Variants in TAF10 observed in about 807,000 individuals in gnomAD.
The protein encoded by TAF10 is transcription initiation factor TFIID subunit 10.
Under a neutral mutation model 18.1 loss-of-function variants are expected in TAF10, and 2 were observed. The ratio of observed to expected loss-of-function variants is 0.11; its 90% CI spans 0.05 to 0.35. The LOEUF (loss-of-function observed/expected upper bound fraction) is 0.35, where lower values mean the gene tolerates loss of function less well. TAF10 is among the 10% of genes least tolerant of loss of function. The probability of loss-of-function intolerance (pLI) is 1.00; values close to 1 mark genes in which losing one functional copy is unlikely to be tolerated. For synonymous variants in TAF10, 158 were observed against 134.6 expected (o/e 1.17, Z -1.20); for missense variants, 293 against 306.9 (o/e 0.95, Z 0.34).
At chr11:6,611,590 A>G in intron 2 of TAF10, 74 bp downstream of exon 2, 2 of 1,587,020 alleles carry the variant, frequency 1.3e-6, no homozygotes, top group Non-Finnish European at 8.6e-7. Flanking sequence ...CAAATGGAAG[A>G]GAACGCTGAA....
chr11:6,611,801 C>A lies in TAF10; in HGVS notation c.250G>T (p.Gly84Cys), dbSNP rs1472623071. The A allele has an allele frequency of 1.9e-6, 3 of 1,601,142 alleles. No homozygotes were observed. Among genetic ancestry groups the A allele is most frequent in the Admixed American group, 3.4e-5 (2 of 58,182 alleles). The change falls in exon 2 of 5, where the codon GGC becomes TGC. Residue 84 changes from glycine to cysteine, a missense_variant. Gly to Cys is a radical substitution (Grantham distance 159, BLOSUM62 -3). Coordinates refer to ENST00000299424, the MANE Select transcript of TAF10 (RefSeq NM_006284.4). The stretch of plus-strand genomic sequence containing the variant: ...ATGGCCCCCTCCGGGGGCGCCGCGC[C>A]ACCCGCCGACACCGGAGCTGGAGGA... The part of the protein sequence containing the change: ...RRGAAPVSAG[G>C]AAPPEGAISN...
rs1445871731 is a variant in TAF10 at position 6,608,783 on chromosome 11, T to G, written c.*2139A>C. On this transcript the variant is annotated 3_prime_UTR_variant, in exon 5 of 5. Coordinates refer to ENST00000299424, the MANE Select transcript of TAF10 (RefSeq NM_006284.4). This position sits in a 1 kb window ranked among gnomAD's most constrained non-coding sequence, Gnocchi z 4.9. The stretch of plus-strand genomic sequence containing the variant: ...AAGCCAAGGCACCCCTGAGAGAGCT[T>G]CTCCGAGGTCCATCTCCCCATCCCC... The G allele has an allele frequency of 1.9e-6, 3 of 1,613,708 alleles. No homozygotes were observed. In the East Asian group the frequency reaches 6.7e-5, roughly 36 times the overall value.
Position 6,609,209 on chromosome 11 carries a change from C to G in TAF10, c.*1713G>C, listed in dbSNP as rs897137542. 6.9e-6 allele frequency: 11 copies of G among 1,599,168 alleles called. No homozygotes were observed. The Admixed American group carries it at 1.0e-4, about 15-fold the overall frequency. On this transcript the variant is annotated 3_prime_UTR_variant, in exon 5 of 5. Transcript: ENST00000299424. The stretch of plus-strand genomic sequence containing the variant: ...TCACTAAACCCCCATAAATTACTTG[C>G]TTTGTACCTGTTTTAAGTTTTTCCT...
Position 6,609,316 on chromosome 11 carries a change from G to A in TAF10, c.*1606C>T. 6.2e-7 allele frequency: 1 copy of A among 1,614,150 alleles called. No individual in the cohort carries two copies. The highest frequency in any genetic ancestry group is 8.5e-7 in the Non-Finnish European group (1 of 1,180,026). ...TCCTGCAGCTATGGAAGGGCCGCTG[G>A]CAGGGCAATGACATTGTCGTGAAGG... On this transcript the variant is annotated 3_prime_UTR_variant, in exon 5 of 5. Coordinates refer to ENST00000299424, the MANE Select transcript of TAF10 (RefSeq NM_006284.4).
chr11:6,611,394 G>A lies in TAF10; in HGVS notation c.446C>T (p.Pro149Leu). The change falls in exon 3 of 5, where the codon CCA (proline) becomes CTA (leucine). Residue 149 changes from proline (P) to leucine (L), a missense_variant. Transcript: ENST00000299424. Reference protein sequence around the residue: ...LNRAGFEASDPRIIRLISLAA... With the variant: ...LNRAGFEASDLRIIRLISLAA... ...CTGCCCTGGGTTTACTCACATGCGTGGGTCTGAGGCCTCAAAGCCAGCACG... is the reference window on the plus strand; with the variant it reads ...CTGCCCTGGGTTTACTCACATGCGTAGGTCTGAGGCCTCAAAGCCAGCACG... 2 of 1,614,180 alleles carry A rather than the reference G, an allele frequency of 1.2e-6. No individual in the cohort carries two copies. The highest frequency in any genetic ancestry group is 1.7e-6 in the Non-Finnish European group (2 of 1,180,026).
At chr11:6,611,888 C>G in intron 1 of TAF10, 70 bp from the exon 2 acceptor site, 1 of 1,561,120 alleles carries the variant, frequency 6.4e-7, no homozygotes, top group East Asian at 2.4e-5. Context: ...CTGTCTATAC[C>G]CTCTGCCCTC....
At chr11:6,611,136 A>C (rs1016984320) in intron 4 of TAF10, 53 bp downstream of exon 4, 1 of 1,595,864 alleles carries the variant, frequency 6.3e-7, no homozygotes, top group Non-Finnish European at 8.6e-7. Flanking sequence ...TGGCAGGATA[A>C]GCCTCCACTG....
chr11:6,607,856 G>C lies in TAF10; in HGVS notation c.*3066C>G. 1 of 608,314 alleles carries C rather than the reference G, an allele frequency of 1.6e-6. No homozygotes were observed. Among genetic ancestry groups the C allele is most frequent in the Admixed American group, 2.8e-5 (1 of 35,402 alleles). The allele number at this position is 608,314 out of a possible 1,614,324, so 37.7% of individuals were successfully genotyped here. A position where few individuals can be genotyped will look rare whatever the true frequency, so the allele number is the denominator to read the frequency against. On this transcript the variant is annotated 3_prime_UTR_variant, in exon 5 of 5. Transcript: ENST00000299424. ...TTATAGAGGTTGTTGAGATATCTAG[G>C]TGGTTGGTTTGGTTTGAAGCTCAGG...
chr11:6,611,841 A>G (rs755495450), intron 1 of TAF10, 23 bp from the exon 2 acceptor site: 1 of 1,599,096 alleles, frequency 6.3e-7, no homozygotes, highest in Non-Finnish European at 8.5e-7. Context: ...CAGCAAAATG[A>G]GACACAGAGG....
In TAF10 at chr11:6,612,200, G is replaced by T; in HGVS notation, c.-11C>A. On this transcript the variant is annotated 5_prime_UTR_variant, in exon 1 of 5. Coordinates refer to ENST00000299424, the MANE Select transcript of TAF10 (RefSeq NM_006284.4). ...GCCGCTGCAGCTCATCGGGCCGGTGGGAGAGGCGGCGAACAGAGCCGCTTC... is the reference window on the plus strand; with the variant it reads ...GCCGCTGCAGCTCATCGGGCCGGTGTGAGAGGCGGCGAACAGAGCCGCTTC... The T allele has an allele frequency of 1.6e-6, 2 of 1,239,102 alleles. No individual in the cohort carries two copies. The highest frequency in any genetic ancestry group is 4.4e-5 in the South Asian group (2 of 45,812). 76.8% of individuals were successfully genotyped at this position (1,239,102 alleles called of 1,614,324 possible).
chr11:6,608,182 A>G lies in TAF10; in HGVS notation c.*2740T>C, dbSNP rs1355016857. ...TGACACCCCCCTGCATCTGGCAGCC[A>G]GTCATGGACACCGTGATATTGTACA... is the stretch of plus-strand genomic sequence containing the variant. On this transcript the variant is annotated 3_prime_UTR_variant, in exon 5 of 5. Coordinates refer to ENST00000299424, the MANE Select transcript of TAF10 (RefSeq NM_006284.4). This position sits in a 1 kb window ranked among gnomAD's most constrained non-coding sequence, Gnocchi z 4.9. 2 of 1,614,198 alleles carry G rather than the reference A, an allele frequency of 1.2e-6. No homozygotes were observed. The highest frequency in any genetic ancestry group is 1.7e-6 in the Non-Finnish European group (2 of 1,180,030).
At position 6,607,675 on chromosome 11, in the gene TAF10, C is replaced by T; in HGVS notation, c.*3247G>A. 6.2e-6 allele frequency: 2 copies of T among 325,006 alleles called. No individual in the cohort carries two copies. Among genetic ancestry groups the T allele is most frequent in the Non-Finnish European group, 1.2e-5 (2 of 167,506 alleles). The allele number at this position is 325,006 out of a possible 1,614,324, so 20.1% of individuals were successfully genotyped here. A position where few individuals can be genotyped will look rare whatever the true frequency, so the allele number is the denominator to read the frequency against. On this transcript the variant is annotated 3_prime_UTR_variant, in exon 5 of 5. Coordinates refer to ENST00000299424, the MANE Select transcript of TAF10 (RefSeq NM_006284.4). ...AGTCCATTAACAGATTTTTACAATC[C>T]AGTGCAACAAGTGCTGAAGTAGGGG...
intron 2 of TAF10, 99 bp downstream of exon 2, chr11:6,611,565 G>C: frequency 6.3e-7 from 1 of 1,592,410 alleles, no homozygotes; most frequent in Non-Finnish European, 8.6e-7. Context: ...AAACACAGAA[G>C]AGCGACTAGG....
In TAF10 at chr11:6,606,327, G is replaced by A. The variant is rs1413539391; in HGVS notation, c.*4595C>T. 6.6e-6 allele frequency: 1 copy of A among 152,224 alleles called. No homozygotes were observed. The highest frequency in any genetic ancestry group is 1.5e-5 in the Non-Finnish European group (1 of 68,044). 9.4% of individuals were successfully genotyped at this position (152,224 alleles called of 1,614,324 possible). On this transcript the variant is annotated 3_prime_UTR_variant, in exon 5 of 5. Coordinates refer to ENST00000299424, the MANE Select transcript of TAF10 (RefSeq NM_006284.4). Reference sequence around the variant, plus strand: ...TCAAATTCTTTATTTTTTAAAATTGGTGGAGTTTAGTTTTTAGGTTTGACA... The same window carrying A: ...TCAAATTCTTTATTTTTTAAAATTGATGGAGTTTAGTTTTTAGGTTTGACA...
chr11:6,607,958 A>C lies in TAF10; in HGVS notation c.*2964T>G. On this transcript the variant is annotated 3_prime_UTR_variant, in exon 5 of 5. Transcript: ENST00000299424. Reference sequence around the variant, plus strand: ...AAGTCCTAGAGAGGTAAGCCTTCCCAGAGAGTATGTAATTATCAGTTTTTC... The same window carrying C: ...AAGTCCTAGAGAGGTAAGCCTTCCCCGAGAGTATGTAATTATCAGTTTTTC... The C allele has an allele frequency of 7.3e-7, 1 of 1,369,860 alleles. No homozygotes were observed. The highest frequency in any genetic ancestry group is 1.0e-6 in the Non-Finnish European group (1 of 970,708). 84.9% of individuals were successfully genotyped at this position (1,369,860 alleles called of 1,614,324 possible). A position where few individuals can be genotyped will look rare whatever the true frequency, so the allele number is the denominator to read the frequency against.
intron 2 of TAF10, 104 bp downstream of exon 2, chr11:6,611,560 C>A (rs1188780917): frequency 6.3e-7 from 1 of 1,593,870 alleles, no homozygotes; most frequent in Non-Finnish European, 8.6e-7. Flanking sequence ...AGGGCAAACA[C>A]AGAAGAGCGA....
At position 6,609,736 on chromosome 11, in the gene TAF10, A is replaced by G. The variant is rs530776032; in HGVS notation, c.*1186T>C. ...TGCCTCCTCTCAGATTTCGTCGTGG[A>G]CCAGAGCCAGGCTGTGAAGTTTGCT... On this transcript the variant is annotated 3_prime_UTR_variant, in exon 5 of 5. Coordinates refer to ENST00000299424, the MANE Select transcript of TAF10 (RefSeq NM_006284.4). The G allele has an allele frequency of 1.2e-6, 2 of 1,614,184 alleles. No homozygotes were observed. The highest frequency in any genetic ancestry group is 2.2e-5 in the South Asian group (2 of 91,082).
chr11:6,610,441 C>CT lies in TAF10; in HGVS notation c.*480dup. 2 of 1,614,132 alleles carry CT rather than the reference C, an allele frequency of 1.2e-6. No homozygotes were observed. The highest frequency in any genetic ancestry group is 1.7e-6 in the Non-Finnish European group (2 of 1,180,006). On this transcript the variant is annotated 3_prime_UTR_variant, in exon 5 of 5. Transcript: ENST00000299424. ...ATGACAGACTCAAATTGTGAGGCTG[C>CT]TTTTTTTCTTGTATTCGCAGGTGGC... is the stretch of plus-strand genomic sequence containing the variant.
At position 6,610,753 on chromosome 11, in the gene TAF10, C is replaced by A. The variant is rs1394349501; in HGVS notation, c.*169G>T. 2 of 1,334,432 alleles carry A rather than the reference C, an allele frequency of 1.5e-6. No homozygotes were observed. Among genetic ancestry groups the A allele is most frequent in the South Asian group, 1.2e-5 (1 of 81,926 alleles). 82.7% of individuals were successfully genotyped at this position (1,334,432 alleles called of 1,614,324 possible). A position where few individuals can be genotyped will look rare whatever the true frequency, so the allele number is the denominator to read the frequency against. On this transcript the variant is annotated 3_prime_UTR_variant, in exon 5 of 5. Transcript: ENST00000299424. ...AGCCATGGGGTCCATCCCCTTCCCC[C>A]ATCCCTACCACTGTGGCCCCAAGAG...
Sources: allele counts gnomAD v4.1 joint callset, GRCh38; gene constraint gnomAD v4.1.1; non-coding constraint Gnocchi (gnomAD v3.1); transcripts MANE v1.5; gene names NCBI Gene and HGNC (gene_info 2026-07-23, HGNC 2026-07-21).